The following IRS2 variants were observed in gnomAD, a reference collection of about 807,000 sequenced individuals.
IRS2 encodes the protein insulin receptor substrate 2.
Under a neutral mutation model 70.9 loss-of-function variants are expected in IRS2, and 28 were observed. The ratio of observed to expected loss-of-function variants is 0.39; its 90% CI spans 0.29 to 0.54. IRS2 has a LOEUF of 0.54. Ranked by LOEUF, IRS2 falls within the 20% of genes least tolerant of loss-of-function variation. IRS2 has a pLI of 0.59. For synonymous variants in IRS2, 1,217 were observed against 981.9 expected (o/e 1.24, Z -4.48); for missense variants, 2,081 against 2,024.1 (o/e 1.03, Z -0.54).
intron 1 of IRS2, among the ~76,000 whole-genome samples, chr13:109,780,131 T>A (rs1243068077): frequency 6.6e-6 from 1 of 152,152 alleles, no homozygotes; most frequent in African/African-American, 2.4e-5. Flanking sequence ...CCAGCTCCAC[T>A]GAAAGCAGGA....
At chr13:109,779,961 G>A (rs1464491550) in intron 1 of IRS2, among the ~76,000 whole-genome samples, 2 of 152,110 alleles carry the variant, frequency 1.3e-5, no homozygotes, top group East Asian at 1.9e-4. Flanking sequence ...GCCTGAAAAG[G>A]GCATTATTTC....
rs2138907054 is a variant in IRS2 at position 109,754,836 on chromosome 13, TA to T, written c.*1467del. On this transcript the variant is annotated 3_prime_UTR_variant, in exon 2 of 2. Coordinates refer to ENST00000375856, the MANE Select transcript of IRS2 (RefSeq NM_003749.3). Reference sequence around the variant, plus strand: ...TAGATATCTATTATATATTTATATATATTTTTCTAAAAACAAAACAAAACAA... The same window carrying T: ...TAGATATCTATTATATATTTATATATTTTTTCTAAAAACAAAACAAAACAA... 5.1e-6 allele frequency: 1 copy of T among 194,288 alleles called. No homozygotes were observed. Among genetic ancestry groups the T allele is most frequent in the East Asian group, 8.3e-5 (1 of 12,106 alleles). 12.0% of individuals were successfully genotyped at this position (194,288 alleles called of 1,614,324 possible). A position where few individuals can be genotyped will look rare whatever the true frequency, so the allele number is the denominator to read the frequency against.
intron 1 of IRS2, among the ~76,000 whole-genome samples, chr13:109,777,876 T>C (rs919062829): frequency 5.9e-5 from 9 of 152,234 alleles, no homozygotes; most frequent in African/African-American, 2.2e-4. Context: ...TTCATAAATA[T>C]CTATGAACAG....
At chr13:109,767,314 C>T (rs1877357632) in intron 1 of IRS2, among the ~76,000 whole-genome samples, 2 of 152,116 alleles carry the variant, frequency 1.3e-5, no homozygotes, top group South Asian at 2.1e-4. Flanking sequence ...CTTCTGCCCT[C>T]CCCTCCTGTC....
At chr13:109,763,349 T>C (rs1468412486) in intron 1 of IRS2, among the ~76,000 whole-genome samples, 1 of 152,236 alleles carries the variant, frequency 6.6e-6, no homozygotes, top group African/African-American at 2.4e-5. Context: ...CAGACCCTAC[T>C]GAAAAAGAGG....
In IRS2 at chr13:109,784,079, C is replaced by G. The variant is rs773985290; in HGVS notation, c.1975G>C (p.Gly659Arg). 9.5e-6 allele frequency: 15 copies of G among 1,580,286 alleles called. No homozygotes were observed. The African/African-American group carries it at 1.7e-4, about 18-fold the overall frequency. The stretch of plus-strand genomic sequence containing the variant: ...CTCCCACTGCCCGCGAGGGCCGCGC[C>G]GGGCGTCATGGGCATGTAGCCGTCG... Reference protein sequence around the residue: ...ADDGYMPMTPGAALAGSGSGS... With the variant: ...ADDGYMPMTPRAALAGSGSGS... Residue 659 changes from glycine to arginine, a missense_variant, in exon 1 of 2, where the codon GGC becomes CGC. Coordinates refer to ENST00000375856, the MANE Select transcript of IRS2 (RefSeq NM_003749.3). The surrounding 1 kb of genome is among the most constrained non-coding windows in gnomAD (Gnocchi z 5.2).
chr13:109,762,761 T>C (rs963594740), intron 1 of IRS2, among the ~76,000 whole-genome samples: 2 of 152,144 alleles, frequency 1.3e-5, no homozygotes, highest in Non-Finnish European at 1.5e-5. Context: ...GTAAAGCTTA[T>C]AGGTATTAAA....
chr13:109,761,193 G>A (rs8001323), intron 1 of IRS2, among the ~76,000 whole-genome samples: 60,051 of 152,176 alleles, frequency 0.39, 12,814 homozygotes, highest in Middle Eastern at 0.54. Flanking sequence ...CCCATGGCAC[G>A]GCTGTGGGAC....
rs2138938260 is a variant in IRS2, at chr13:109,785,426, T to C, written c.628A>G (p.Ser210Gly). 8.7e-6 allele frequency: 14 copies of C among 1,612,342 alleles called. No individual in the cohort carries two copies. The highest frequency in any genetic ancestry group is 1.1e-5 in the Non-Finnish European group (13 of 1,179,856). ...CGGTACACCCCCGTCAGGTTCTTGC[T>C]CTGGCCCAGACCCTTGGGCTTCAGG... ...VNLKPKGLGQ[S>G]KNLTGVYRLC... The change falls in exon 1 of 2, where the codon AGC becomes GGC. Residue 210 changes from serine (S) to glycine (G), a missense_variant. This residue lies in a region of IRS2 where 320 missense variants were observed against 352.9 expected (regional missense o/e 0.91). Transcript: ENST00000375856. This position sits in a 1 kb window ranked among gnomAD's most constrained non-coding sequence, Gnocchi z 9.3.
chr13:109,763,641 G>A (rs1458392945), intron 1 of IRS2, among the ~76,000 whole-genome samples: 1 of 152,216 alleles, frequency 6.6e-6, no homozygotes, highest in Non-Finnish European at 1.5e-5. Flanking sequence ...TGGGCCAAGT[G>A]ATATAAGGTG....
intron 1 of IRS2, among the ~76,000 whole-genome samples, chr13:109,769,800 A>G (rs1877413311): frequency 6.6e-6 from 1 of 152,202 alleles, no homozygotes; most frequent in Non-Finnish European, 1.5e-5. Flanking sequence ...TGGATGAAGT[A>G]TTTTTGAGAT....
At chr13:109,774,087 A>G (rs762747017) in intron 1 of IRS2, among the ~76,000 whole-genome samples, 2 of 152,208 alleles carry the variant, frequency 1.3e-5, no homozygotes, top group Admixed American at 1.3e-4. Flanking sequence ...ACACCCTTGT[A>G]TATTTTTTTC....
chr13:109,765,642 A>G (rs1877321348), intron 1 of IRS2, among the ~76,000 whole-genome samples: 2 of 65,776 alleles, frequency 3.0e-5, no homozygotes, highest in African/African-American at 6.6e-5. Context: ...CCCTGACTCC[A>G]ACTCCCCACC....
At position 109,753,135 on chromosome 13, in the gene IRS2, A is replaced by G. The variant is rs1372067600; in HGVS notation, c.*3169T>C. ...CGCCACCACGCCTGGCTAATTTTGT[A>G]TTTTTAGTAGAGACGGGGTTTCTCC... On this transcript the variant is annotated 3_prime_UTR_variant, in exon 2 of 2. Transcript: ENST00000375856. 2 of 151,360 alleles carry G rather than the reference A, an allele frequency of 1.3e-5. No homozygotes were observed. The highest frequency in any genetic ancestry group is 4.9e-5 in the African/African-American group (2 of 41,102). 9.4% of individuals were successfully genotyped at this position (151,360 alleles called of 1,614,324 possible).
At chr13:109,776,915 C>T (rs1429450069) in intron 1 of IRS2, among the ~76,000 whole-genome samples, 2 of 152,102 alleles carry the variant, frequency 1.3e-5, no homozygotes, top group African/African-American at 2.4e-5. Flanking sequence ...ATTCTTTTCA[C>T]AAAAATCATG....
At position 109,784,380 on chromosome 13, in the gene IRS2, C is replaced by T; in HGVS notation, c.1674G>A (p.Arg558=). Residue 558 remains arginine, a synonymous_variant, in exon 1 of 2, where the codon CGG becomes CGA. Transcript: ENST00000375856. This position sits in a 1 kb window ranked among gnomAD's most constrained non-coding sequence, Gnocchi z 5.2. ...PLSHCGRSYR[R]VSGDAAQDLD... Reference sequence around the variant, plus strand: ...GGTCCTGGGCCGCGTCCCCCGAGACCCGGCGGTAGGAGCGGCCACAGTGGC... The same window carrying T: ...GGTCCTGGGCCGCGTCCCCCGAGACTCGGCGGTAGGAGCGGCCACAGTGGC... 2 of 1,610,428 alleles carry T rather than the reference C, an allele frequency of 1.2e-6. No individual in the cohort carries two copies. The highest frequency in any genetic ancestry group is 1.7e-6 in the Non-Finnish European group (2 of 1,179,440).
chr13:109,762,894 GAAGAA>G (rs1291605532), intron 1 of IRS2, among the ~76,000 whole-genome samples: 21 of 152,316 alleles, frequency 1.4e-4, no homozygotes, highest in African/African-American at 4.6e-4. Flanking sequence ...GTGAGACCCA[GAAGAA>G]AAGAAAACCC....
In IRS2 at chr13:109,786,263, G is replaced by A. The variant is rs1193675644; in HGVS notation, c.-210C>T. ...CGGCGCCGCGCCCTCCGCGCTCTGG[G>A]GCTCCTGAGGATGCCCGGCGCGGGC... On this transcript the variant is annotated 5_prime_UTR_variant, in exon 1 of 2. Coordinates refer to ENST00000375856, the MANE Select transcript of IRS2 (RefSeq NM_003749.3). This position sits in a 1 kb window ranked among gnomAD's most constrained non-coding sequence, Gnocchi z 4.4. The A allele has an allele frequency of 1.3e-5, 2 of 153,590 alleles. No homozygotes were observed. Among genetic ancestry groups the A allele is most frequent in the African/African-American group, 4.9e-5 (2 of 40,998 alleles). The allele number at this position is 153,590 out of a possible 1,614,324, so 9.5% of individuals were successfully genotyped here.
intron 1 of IRS2, among the ~76,000 whole-genome samples, chr13:109,772,879 T>G (rs1051417803): frequency 6.6e-6 from 1 of 151,700 alleles, no homozygotes; most frequent in African/African-American, 2.4e-5. Context: ...GTATTTTTAG[T>G]AGAGACGGGG....
Sources: gnomAD v4.1 joint callset for allele counts (sites outside exome capture counted in the v4.1 genomes callset) on GRCh38, gnomAD v4.1.1 for gene constraint, gnomAD v4.1.1 regional missense constraint, Gnocchi (gnomAD v3.1) non-coding constraint, MANE v1.5 for transcripts, NCBI Gene and HGNC (gene_info 2026-07-23, HGNC 2026-07-21) for gene names.